Variants in DLEU7 observed in about 807,000 individuals in gnomAD.
DLEU7 encodes leukemia-associated protein 7.
In DLEU7, 17 loss-of-function variants were observed where a neutral mutation model predicts 16.0. The observed-to-expected ratio is 1.06, with a 90% CI of 0.73 to 1.59. The LOEUF is 1.59. DLEU7 is among the 40% of genes most tolerant of loss of function. DLEU7 has a pLI of 0.00. For missense variants in DLEU7, 308 were observed against 314.9 expected, an observed-to-expected ratio of 0.98 and a Z score of 0.17; for synonymous variants, 113 against 139.8, an observed-to-expected ratio of 0.81 and a Z score of 1.35.
At chr13:50,803,651 CAAATT>C (rs1369374982) in intron 1 of DLEU7, among the ~76,000 whole-genome samples, 3 of 151,758 alleles carry the variant, frequency 2.0e-5, no homozygotes, top group South Asian at 2.1e-4. Flanking sequence ...TTTGATATGA[CAAATT>C]AAATAAAACA....
At chr13:50,778,024 T>G (rs1875553896) in intron 1 of DLEU7, among the ~76,000 whole-genome samples, 1 of 152,142 alleles carries the variant, frequency 6.6e-6, no homozygotes, top group Non-Finnish European at 1.5e-5. Flanking sequence ...CCTGGATTAG[T>G]CCATTTTCAC....
chr13:50,828,863 C>A (rs890366596), intron 1 of DLEU7, among the ~76,000 whole-genome samples: 1 of 152,178 alleles, frequency 6.6e-6, no homozygotes, highest in Non-Finnish European at 1.5e-5. Flanking sequence ...AGAACCATAC[C>A]ATGCTCAAGG....
chr13:50,792,500 G>A (rs1875986591), intron 1 of DLEU7, among the ~76,000 whole-genome samples: 1 of 152,114 alleles, frequency 6.6e-6, no homozygotes, highest in South Asian at 2.1e-4. Flanking sequence ...AGTATGCTGG[G>A]GGAAGACAGA....
In DLEU7 at chr13:50,843,106, C is replaced by T. The variant is rs1877724980; in HGVS notation, c.459+82G>A. On this transcript the variant is annotated intron_variant, in intron 1 of 1. Coordinates refer to ENST00000504404, the MANE Select transcript of DLEU7 (RefSeq NM_001306135.2). The surrounding 1 kb of genome is among the most constrained non-coding windows in gnomAD (Gnocchi z 5.7). ...CAGTGTTTGGGATCCTGCGATCCAC[C>T]CATCGCCATCCCAGCAGCCCCACCC... The T allele has an allele frequency of 7.6e-7, 1 of 1,321,232 alleles. No homozygotes were observed. Among genetic ancestry groups the T allele is most frequent in the African/African-American group, 1.6e-5 (1 of 64,432 alleles). The allele number at this position is 1,321,232 out of a possible 1,614,324, so 81.8% of individuals were successfully genotyped here. A position where few individuals can be genotyped will look rare whatever the true frequency, so the allele number is the denominator to read the frequency against.
chr13:50,830,077 G>A (rs568299126), intron 1 of DLEU7, among the ~76,000 whole-genome samples: 3 of 152,262 alleles, frequency 2.0e-5, no homozygotes, highest in East Asian at 3.9e-4. Context: ...TATCCTACAC[G>A]ATGCTTTGAG....
chr13:50,822,634 CAT>C (rs1171634194), downstream of DLEU7: 24 of 984,748 alleles, frequency 2.4e-5, 1 homozygote, highest in Non-Finnish European at 2.7e-5. Flanking sequence ...GACTTTTCCA[CAT>C]GAGACTTTAA....
At chr13:50,818,118 T>C (rs1401499391), downstream of DLEU7, among the ~76,000 whole-genome samples, 1 of 152,176 alleles carries the variant, frequency 6.6e-6, no homozygotes, top group Admixed American at 6.5e-5. Flanking sequence ...ATGATGTGAC[T>C]TTTTTCAGAG....
chr13:50,835,281 A>G (rs918000950), intron 1 of DLEU7, among the ~76,000 whole-genome samples: 1 of 152,238 alleles, frequency 6.6e-6, no homozygotes, highest in Non-Finnish European at 1.5e-5. Flanking sequence ...AGCCAAGCTC[A>G]GCCATGTAGT....
intron 1 of DLEU7, among the ~76,000 whole-genome samples, chr13:50,842,896 A>G (rs1877717563): frequency 6.6e-6 from 1 of 152,110 alleles, no homozygotes. Context: ...CTAGCGCAGG[A>G]AGCTGATTTA....
chr13:50,798,789 A>T (rs1480155348), intron 1 of DLEU7, among the ~76,000 whole-genome samples: 1 of 152,184 alleles, frequency 6.6e-6, no homozygotes, highest in Non-Finnish European at 1.5e-5. Context: ...GAGACTGTCA[A>T]AGCACTAGTG....
downstream of DLEU7, among the ~76,000 whole-genome samples, chr13:50,821,659 C>T (rs1477453865): frequency 6.6e-6 from 1 of 151,524 alleles, no homozygotes; most frequent in Non-Finnish European, 1.5e-5. Context: ...ATATAGGAAA[C>T]ATGGTACAAA....
intron 1 of DLEU7, among the ~76,000 whole-genome samples, chr13:50,798,445 C>T (rs183542311): frequency 5.3e-5 from 8 of 152,264 alleles, no homozygotes; most frequent in Admixed American, 3.3e-4. Context: ...ATGCCATAGA[C>T]GTTCAAGGTG....
At chr13:50,780,338 A>G (rs2137764917) in intron 1 of DLEU7, among the ~76,000 whole-genome samples, 1 of 152,354 alleles carries the variant, frequency 6.6e-6, no homozygotes, top group African/African-American at 2.4e-5. Context: ...GTATTTCACC[A>G]AGGACTTTTT....
chr13:50,828,504 C>G (rs1254742369), intron 1 of DLEU7, among the ~76,000 whole-genome samples: 1 of 152,056 alleles, frequency 6.6e-6, no homozygotes, highest in Non-Finnish European at 1.5e-5. Context: ...GTGAGAAACA[C>G]TTTGACTTAA....
At chr13:50,772,859 A>G (rs1322017295) in intron 1 of DLEU7, among the ~76,000 whole-genome samples, 12 of 152,186 alleles carry the variant, frequency 7.9e-5, no homozygotes, top group Admixed American at 4.6e-4. Context: ...CCTGCAGAGT[A>G]TTTTCCAACT....
chr13:50,823,633 T>A (rs1876987450), intron 1 of DLEU7, 113 bp from the exon 2 acceptor site: 1 of 1,289,452 alleles, frequency 7.8e-7, no homozygotes, highest in South Asian at 1.6e-5. Context: ...CACTCTGGTT[T>A]TTTTTTTTCT....
intron 1 of DLEU7, among the ~76,000 whole-genome samples, chr13:50,765,018 G>A (rs1593548710): frequency 6.6e-6 from 1 of 152,280 alleles, no homozygotes; most frequent in East Asian, 1.9e-4. Context: ...AAGTAGCTGG[G>A]ATTACAGGCA....
intron 1 of DLEU7, among the ~76,000 whole-genome samples, chr13:50,761,294 G>A (rs570053311): frequency 5.3e-5 from 8 of 152,296 alleles, no homozygotes; most frequent in African/African-American, 9.6e-5. Flanking sequence ...TTCAGCCATC[G>A]GCAGCAGTGG....
chr13:50,741,194 T>A (rs1298393831), intron 1 of DLEU7, among the ~76,000 whole-genome samples: 3 of 152,120 alleles, frequency 2.0e-5, no homozygotes, highest in African/African-American at 7.2e-5. Flanking sequence ...ATTAGAAGAG[T>A]TAGAAAGTTA....
Sources: allele counts gnomAD v4.1 joint callset (sites outside exome capture counted in the v4.1 genomes callset), GRCh38; gene constraint gnomAD v4.1.1; non-coding constraint Gnocchi (gnomAD v3.1); transcripts MANE v1.5; gene names NCBI Gene and HGNC (gene_info 2026-07-23, HGNC 2026-07-21).